Variants in CAST observed in about 807,000 individuals in gnomAD.
CAST encodes the protein MIR583 host.
A neutral mutation model predicts 119.6 loss-of-function variants in CAST; 76 were observed. The observed-to-expected ratio is 0.64, with a 90% CI of 0.53 to 0.77. The LOEUF (loss-of-function observed/expected upper bound fraction) is 0.77. Ranked by LOEUF, CAST falls within the 30% of genes least tolerant of loss-of-function variation. The pLI, the probability that CAST is intolerant of heterozygous loss-of-function variation, is 0.00. For synonymous variants in CAST, 319 were observed against 331.6 expected (o/e 0.96, Z 0.41); for missense variants, 953 against 946.5 (o/e 1.01, Z -0.09).
rs1752215469 is a variant in CAST at position 96,687,490 on chromosome 5, ATGT to A, written c.139-8341_139-8339del. Among the ~76,000 whole-genome samples the A allele has an allele frequency of 2.6e-5, 4 of 152,226 alleles. No individual in the cohort carries two copies. The South Asian group carries it at 8.3e-4, about 32-fold the overall frequency. The stretch of plus-strand genomic sequence containing the variant: ...AATTAAGAAACATCAAATAAGAAAG[ATGT>A]TGTTTGGAAAGAACTAACAAGTGAA... On this transcript the variant is annotated intron_variant, in intron 2 of 31. Coordinates refer to ENST00000675179, the MANE Select transcript of CAST (RefSeq NM_001750.7).
the CAST span, among the ~76,000 whole-genome samples, chr5:96,211,184 G>A: frequency 2.6e-5 from 4 of 151,848 alleles, no homozygotes; most frequent in Admixed American, 2.6e-4. Context: ...GTATTGAATA[G>A]AACTTCCAGT....
the CAST span, chr5:96,399,008 T>C: frequency 6.2e-7 from 1 of 1,612,554 alleles, no homozygotes; most frequent in Non-Finnish European, 8.5e-7. Flanking sequence ...GGAATTTCAA[T>C]GATAACTTCT....
At chr5:96,594,302 C>T (rs544641874) in intron 1 of CAST, among the ~76,000 whole-genome samples, 1 of 152,298 alleles carries the variant, frequency 6.6e-6, no homozygotes, top group South Asian at 2.1e-4. Flanking sequence ...ACCCATAGCT[C>T]CTTTGCTTGC....
chr5:96,346,457 G>A, the CAST span, among the ~76,000 whole-genome samples: 1 of 152,102 alleles, frequency 6.6e-6, no homozygotes, highest in Non-Finnish European at 1.5e-5. Flanking sequence ...GCCTGTCTTA[G>A]GTCCAGTTTC....
the CAST span, among the ~76,000 whole-genome samples, chr5:96,041,522 C>CA: frequency 4.6e-5 from 7 of 151,982 alleles, no homozygotes; most frequent in East Asian, 5.8e-4. Context: ...CAATATTAGA[C>CA]AAAAAACTAC....
At chr5:96,109,213 C>G in the CAST span, among the ~76,000 whole-genome samples, 4 of 152,206 alleles carry the variant, frequency 2.6e-5, no homozygotes, top group Non-Finnish European at 4.4e-5. Flanking sequence ...GAGCTGTAGA[C>G]CAGAGCTGTT....
the CAST span, chr5:95,961,982 CG>C: frequency 2.6e-5 from 11 of 425,558 alleles, 1 homozygote; most frequent in African/African-American, 2.2e-4. Context: ...TCCACTCTCA[CG>C]GGGGCGGGCC....
chr5:96,297,996 A>G, the CAST span, among the ~76,000 whole-genome samples: 1 of 152,196 alleles, frequency 6.6e-6, no homozygotes. Flanking sequence ...ATTCACATTC[A>G]TTTCACTCCA....
chr5:96,419,993 A>G, the CAST span, among the ~76,000 whole-genome samples: 1 of 152,034 alleles, frequency 6.6e-6, no homozygotes, highest in South Asian at 2.1e-4. Flanking sequence ...GCCTGGAAGG[A>G]CCGTATACTG....
At chr5:96,508,109 C>A in the CAST span, among the ~76,000 whole-genome samples, 1 of 152,010 alleles carries the variant, frequency 6.6e-6, no homozygotes, top group South Asian at 2.1e-4. Flanking sequence ...GATCCTCCCA[C>A]CTTGGCCACC....
chr5:96,442,714 A>G, the CAST span, among the ~76,000 whole-genome samples: 4 of 152,230 alleles, frequency 2.6e-5, no homozygotes, highest in Admixed American at 2.6e-4. Flanking sequence ...AGGAATCTAC[A>G]AACTTCTACA....
chr5:96,748,297 A>G (rs1764207585), intron 18 of CAST, among the ~76,000 whole-genome samples: 5 of 152,230 alleles, frequency 3.3e-5, no homozygotes. Flanking sequence ...CAAATAAACC[A>G]TTAATACTTT....
intron 1 of CAST, among the ~76,000 whole-genome samples, chr5:96,621,311 A>G (rs1283083597): frequency 1.3e-5 from 2 of 152,264 alleles, no homozygotes; most frequent in African/African-American, 2.4e-5. Flanking sequence ...AATCATAGCA[A>G]TTTAATCAAG....
At chr5:96,017,984 T>C in the CAST span, among the ~76,000 whole-genome samples, 1 of 152,166 alleles carries the variant, frequency 6.6e-6, no homozygotes, top group South Asian at 2.1e-4. Flanking sequence ...CCCAGATGGT[T>C]ATTTAAGTTT....
At chr5:96,669,462 C>G (rs1749780735) in intron 1 of CAST, among the ~76,000 whole-genome samples, 2 of 151,992 alleles carry the variant, frequency 1.3e-5, no homozygotes, top group Middle Eastern at 3.4e-3. Flanking sequence ...ATGGTCCTAC[C>G]ACACATCTAG....
chr5:96,722,704 A>C lies in CAST; in HGVS notation c.270+6A>C. On this transcript the variant is annotated splice_donor_region_variant and intron_variant, in intron 4 of 31. Transcript: ENST00000675179. ...TGAATCCCACAGAAACCAAGGTATGAAGAATGCTAATTGAGTGAGTGCTAA... is the reference window on the plus strand; with the variant it reads ...TGAATCCCACAGAAACCAAGGTATGCAGAATGCTAATTGAGTGAGTGCTAA... 6.2e-7 allele frequency: 1 copy of C among 1,604,018 alleles called. No individual in the cohort carries two copies. The highest frequency in any genetic ancestry group is 8.5e-7 in the Non-Finnish European group (1 of 1,170,820).
the CAST span, among the ~76,000 whole-genome samples, chr5:96,423,133 C>A: frequency 6.6e-6 from 1 of 152,150 alleles, no homozygotes. Flanking sequence ...TATTTCAATG[C>A]CCACTGGTAC....
At chr5:96,048,862 C>T in the CAST span, among the ~76,000 whole-genome samples, 1 of 152,118 alleles carries the variant, frequency 6.6e-6, no homozygotes, top group Non-Finnish European at 1.5e-5. Context: ...AATTAGGTAT[C>T]CAATGGAAGG....
At chr5:96,441,819 A>G in the CAST span, among the ~76,000 whole-genome samples, 7 of 152,136 alleles carry the variant, frequency 4.6e-5, no homozygotes, top group Non-Finnish European at 8.8e-5. Context: ...ACCTCCTGGT[A>G]TTAGAAACAG....
Sources: allele counts gnomAD v4.1 joint callset (sites outside exome capture counted in the v4.1 genomes callset), GRCh38; gene constraint gnomAD v4.1.1; transcripts MANE v1.5; gene names NCBI Gene and HGNC (gene_info 2026-07-23, HGNC 2026-07-21).